Variants in FBXO2 observed in about 807,000 individuals in gnomAD.
FBXO2 encodes the protein F-box protein 2, also known as F-box only protein 2.
FBXO2 carries 32 observed loss-of-function variants against 38.6 expected under a neutral mutation model. That is an observed-to-expected ratio of 0.83 (90% CI 0.62 to 1.11). The LOEUF (loss-of-function observed/expected upper bound fraction) is 1.11. Among genes scored for constraint, FBXO2 ranks in the 50% most tolerant of loss-of-function variants. The pLI, the probability that FBXO2 is intolerant of heterozygous loss-of-function variation, is 0.00. For missense variants in FBXO2, 450 were observed against 418.3 expected (o/e 1.08, Z -0.66); for synonymous variants, 189 against 182.9 (o/e 1.03, Z -0.27).
At position 11,650,000 on chromosome 1, in the gene FBXO2, C is replaced by A; in HGVS notation, c.466G>T (p.Gly156Trp). Reference protein sequence around the residue: ...WRVEELPGDSGVEFTHDESVK... With the variant: ...WRVEELPGDSWVEFTHDESVK... ...CTCTCATCGTGGGTGAACTCCACCC[C>A]ACTGTCTCCAGGCAGCTCCTCCACC... The change falls in exon 3 of 6, where the codon GGG (glycine) becomes TGG (tryptophan). Residue 156 changes from glycine (G) to tryptophan (W), a missense_variant. Physicochemically the swap from Gly to Trp is radical, Grantham distance 184 (BLOSUM62 -2). Coordinates refer to ENST00000354287, the MANE Select transcript of FBXO2 (RefSeq NM_012168.6). The A allele has an allele frequency of 1.2e-6, 2 of 1,614,072 alleles. No individual in the cohort carries two copies. Among genetic ancestry groups the A allele is most frequent in the Non-Finnish European group, 8.5e-7 (1 of 1,180,022 alleles).
chr1:11,649,051 T>C, intron 5 of FBXO2, 36 bp downstream of exon 5: 2 of 1,525,314 alleles, frequency 1.3e-6, no homozygotes, highest in Non-Finnish European at 1.8e-6. Flanking sequence ...CTCATGTCCG[T>C]GCCCCACCCC....
Position 11,650,044 on chromosome 1 carries a change from T to A in FBXO2, c.422A>T (p.His141Leu). Reference protein sequence around the residue: ...EDLEGWCDVEHGGDGWRVEEL... With the variant: ...EDLEGWCDVELGGDGWRVEEL... ...CTCCACCCTCCAGCCGTCCCCACCA[T>A]GCTCCACGTCACACCAGCCTTCCAA... The change falls in exon 3 of 6, where the codon CAT (histidine) becomes CTT (leucine). Residue 141 changes from histidine (H) to leucine (L), a missense_variant. Coordinates refer to ENST00000354287, the MANE Select transcript of FBXO2 (RefSeq NM_012168.6). 1 of 1,614,072 alleles carries A rather than the reference T, an allele frequency of 6.2e-7. No homozygotes were observed. Among genetic ancestry groups the A allele is most frequent in the Non-Finnish European group, 8.5e-7 (1 of 1,180,018 alleles).
At chr1:11,653,121 A>G (rs559619294) in intron 1 of FBXO2, among the ~76,000 whole-genome samples, 81 of 152,300 alleles carry the variant, frequency 5.3e-4, no homozygotes, top group Non-Finnish European at 6.5e-4. Flanking sequence ...CTGCCCAGGC[A>G]GATGCCCACA....
chr1:11,653,194 A>G (rs1038339646), intron 1 of FBXO2, among the ~76,000 whole-genome samples: 1 of 152,004 alleles, frequency 6.6e-6, no homozygotes, highest in Admixed American at 6.5e-5. Flanking sequence ...CCCTGGCCCC[A>G]TCGGACACCT....
chr1:11,653,099 A>C (rs1639560637), intron 1 of FBXO2, among the ~76,000 whole-genome samples: 1 of 152,204 alleles, frequency 6.6e-6, no homozygotes, highest in Non-Finnish European at 1.5e-5. Flanking sequence ...CCAGGCCCTG[A>C]AGTCACATCA....
At position 11,650,526 on chromosome 1, in the gene FBXO2, G is replaced by A. The variant is rs1425280521; in HGVS notation, c.331C>T (p.Gln111Ter). 1 of 1,604,218 alleles carries A rather than the reference G, an allele frequency of 6.2e-7. No individual in the cohort carries two copies. The highest frequency in any genetic ancestry group is 2.2e-5 in the East Asian group (1 of 44,478). ...CGCTTGCTCAGGAAGTAGAACTGCT[G>A]CCAGTGGTCGCGCTCCTCCTCCACG... ...GGVEEERDHW[Q>*]QFYFLSKRRR... The change falls in exon 2 of 6, where the codon CAG becomes TAG. Residue 111 changes from glutamine to a stop codon, truncating the protein, a stop_gained. Transcript: ENST00000354287. LOFTEE classifies it high-confidence loss of function.
chr1:11,648,794 A>T lies in FBXO2; in HGVS notation c.791T>A (p.Val264Asp). Reference protein sequence around the residue: ...SHTFTDYGPGVRFVRFEHGGQ... With the variant: ...SHTFTDYGPGDRFVRFEHGGQ... ...CCCGTGCTCGAAGCGGACGAAGCGG[A>T]CGCCCGGCCCGTAGTCGGTGAAGGT... The change falls in exon 6 of 6, where the codon GTC becomes GAC. Residue 264 changes from valine to aspartate, a missense_variant. Physicochemically the swap from Val to Asp is radical, Grantham distance 152. Transcript: ENST00000354287. This position sits in a 1 kb window ranked among gnomAD's most constrained non-coding sequence, Gnocchi z 4.2. 6.2e-7 allele frequency: 1 copy of T among 1,613,722 alleles called. No homozygotes were observed. Among genetic ancestry groups the T allele is most frequent in the Non-Finnish European group, 8.5e-7 (1 of 1,180,010 alleles).
intron 4 of FBXO2, 27 bp from the exon 5 acceptor site, chr1:11,649,252 G>T: frequency 6.7e-7 from 1 of 1,484,646 alleles, no homozygotes; most frequent in South Asian, 1.3e-5. Context: ...AGCGAGGTGG[G>T]GGGCGGGAGG....
chr1:11,650,749 C>T lies in FBXO2; in HGVS notation c.108G>A (p.Gln36=). ...SAEEERPEDQ[Q]EEEAAAAAAY... is the part of the protein sequence containing the mutation. ...CGGCGGCGGCCGCCGCCTCCTCCTC[C>T]TGCTGGTCCTCCGGCCGCTCCTCCT... The change falls in exon 2 of 6, where the codon CAG becomes CAA. Residue 36 remains glutamine, a synonymous_variant. Coordinates refer to ENST00000354287, the MANE Select transcript of FBXO2 (RefSeq NM_012168.6). 2.0e-6 allele frequency: 3 copies of T among 1,531,796 alleles called. No individual in the cohort carries two copies. Among genetic ancestry groups the T allele is most frequent in the Non-Finnish European group, 2.6e-6 (3 of 1,145,330 alleles). The allele number at this position is 1,531,796 out of a possible 1,614,324, so 94.9% of individuals were successfully genotyped here.
At position 11,649,191 on chromosome 1, in the gene FBXO2, C is replaced by A; in HGVS notation, c.652G>T (p.Glu218Ter). 6.8e-7 allele frequency: 1 copy of A among 1,476,812 alleles called. No homozygotes were observed. The highest frequency in any genetic ancestry group is 9.1e-7 in the Non-Finnish European group (1 of 1,099,538). The allele number at this position is 1,476,812 out of a possible 1,614,324, so 91.5% of individuals were successfully genotyped here. ...TCGGACAGTAGCTTAACGGTGAGCT[C>A]GTAGAGGCAACCAGCGTCGCTGCGG... ...SGRSDAGCLY[E>*]LTVKLLSEHE... Residue 218 changes from glutamate to a stop codon, truncating the protein, a stop_gained, in exon 5 of 6, where the codon GAG becomes TAG. Coordinates refer to ENST00000354287, the MANE Select transcript of FBXO2 (RefSeq NM_012168.6). LOFTEE classifies it high-confidence loss of function.
intron 1 of FBXO2, among the ~76,000 whole-genome samples, chr1:11,651,480 C>G (rs1023950007): frequency 6.6e-6 from 1 of 152,194 alleles, no homozygotes; most frequent in Non-Finnish European, 1.5e-5. Context: ...TTCATTTACT[C>G]TTTAAATCCT....
chr1:11,648,972 T>A lies in FBXO2; in HGVS notation c.756+115A>T. The A allele has an allele frequency of 1.4e-6, 1 of 713,240 alleles. No individual in the cohort carries two copies. Among genetic ancestry groups the A allele is most frequent in the Non-Finnish European group, 2.1e-6 (1 of 475,534 alleles). 44.2% of individuals were successfully genotyped at this position (713,240 alleles called of 1,614,324 possible). On this transcript the variant is annotated intron_variant, in intron 5 of 5. Coordinates refer to ENST00000354287, the MANE Select transcript of FBXO2 (RefSeq NM_012168.6). The surrounding 1 kb of genome is among the most constrained non-coding windows in gnomAD (Gnocchi z 4.2). ...CTCTCTCCACCACCCGGTGACTATC[T>A]CAGCCCAGCCCAGCCCAGCCCACCC... is the stretch of plus-strand genomic sequence containing the variant.
rs566473766 is a variant in FBXO2, at chr1:11,649,694, C to A, written c.617+85G>T. ...AACCCCTGCAGTGGGGAGGCAGCACCCCCAGGCGGGGGGTTCCCCAGCTGG... is the reference window on the plus strand; with the variant it reads ...AACCCCTGCAGTGGGGAGGCAGCACACCCAGGCGGGGGGTTCCCCAGCTGG... On this transcript the variant is annotated intron_variant, in intron 4 of 5. Coordinates refer to ENST00000354287, the MANE Select transcript of FBXO2 (RefSeq NM_012168.6). The A allele has an allele frequency of 7.0e-6, 10 of 1,436,546 alleles. No homozygotes were observed. In the African/African-American group the frequency reaches 1.3e-4, roughly 18 times the overall value. 89.0% of individuals were successfully genotyped at this position (1,436,546 alleles called of 1,614,324 possible). A position where few individuals can be genotyped will look rare whatever the true frequency, so the allele number is the denominator to read the frequency against.
rs773466700 is a variant in FBXO2, at chr1:11,649,948, AAGG to A, written c.515_517del (p.Ser172del). ...TCCTCCACCCCCTTCTCCTTACTCA[AAGG>A]AGGAGGCGAAGTACTTCTTGACGCT... On this transcript the variant is annotated inframe_deletion, in exon 3 of 6. Coordinates refer to ENST00000354287, the MANE Select transcript of FBXO2 (RefSeq NM_012168.6). 3.3e-5 allele frequency: 53 copies of A among 1,613,754 alleles called. No homozygotes were observed. The highest frequency in any genetic ancestry group is 4.4e-5 in the Non-Finnish European group (52 of 1,179,976).
At position 11,654,323 on chromosome 1, in the gene FBXO2, G is replaced by T; in HGVS notation, c.18C>A (p.Asp6Glu). 6.8e-7 allele frequency: 1 copy of T among 1,471,430 alleles called. No individual in the cohort carries two copies. Among genetic ancestry groups the T allele is most frequent in the Non-Finnish European group, 8.9e-7 (1 of 1,118,558 alleles). 91.1% of individuals were successfully genotyped at this position (1,471,430 alleles called of 1,614,324 possible). A position where few individuals can be genotyped will look rare whatever the true frequency, so the allele number is the denominator to read the frequency against. Residue 6 changes from aspartate to glutamate, a missense_variant, in exon 1 of 6, where the codon GAC becomes GAA. Transcript: ENST00000354287. ...AGCGGTCCAGGCGTCGGCTACCTGG[G>T]TCACCGTCTCCGTCCATCGCTGCGG... MDGDG[D>E]PESVGQPEEA...
rs1483141439 is a variant in FBXO2 at position 11,648,669 on chromosome 1, T to A, written c.*25A>T. On this transcript the variant is annotated 3_prime_UTR_variant, in exon 6 of 6. Transcript: ENST00000354287. The surrounding 1 kb of genome is among the most constrained non-coding windows in gnomAD (Gnocchi z 4.2). ...CTCGACCTTTGCCCCTCCAGGCAGCTGGGGGAGAGTGGAGGCAGGGTCGCT... is the reference window on the plus strand; with the variant it reads ...CTCGACCTTTGCCCCTCCAGGCAGCAGGGGGAGAGTGGAGGCAGGGTCGCT... 2 of 1,611,910 alleles carry A rather than the reference T, an allele frequency of 1.2e-6. No homozygotes were observed. Among genetic ancestry groups the A allele is most frequent in the South Asian group, 2.2e-5 (2 of 91,024 alleles).
Position 11,649,245 on chromosome 1 carries a change from G to C in FBXO2, c.618-20C>G. The C allele has an allele frequency of 2.7e-6, 4 of 1,496,316 alleles. No homozygotes were observed. The highest frequency in any genetic ancestry group is 3.6e-6 in the Non-Finnish European group (4 of 1,113,068). 92.7% of individuals were successfully genotyped at this position (1,496,316 alleles called of 1,614,324 possible). ...GAGTACCTGCTCAGAGGGAGGGAGC[G>C]AGGTGGGGGGCGGGAGGTGGGGTGG... On this transcript the variant is annotated intron_variant, in intron 4 of 5. Transcript: ENST00000354287.
chr1:11,650,982 C>A, intron 1 of FBXO2, 148 bp from the exon 2 acceptor site: 1 of 1,245,682 alleles, frequency 8.0e-7, no homozygotes, highest in Non-Finnish European at 1.1e-6. Flanking sequence ...TACTGGTGCC[C>A]AAGGAGGAGG....
chr1:11,652,393 C>T (rs1639536954), intron 1 of FBXO2, among the ~76,000 whole-genome samples: 1 of 152,166 alleles, frequency 6.6e-6, no homozygotes, highest in South Asian at 2.1e-4. Context: ...CCATCCGTGG[C>T]CCTCAGTTTT....
Sources: allele counts gnomAD v4.1 joint callset (sites outside exome capture counted in the v4.1 genomes callset), GRCh38; gene constraint gnomAD v4.1.1; non-coding constraint Gnocchi (gnomAD v3.1); transcripts MANE v1.5; gene names NCBI Gene and HGNC (gene_info 2026-07-23, HGNC 2026-07-21).